The following DLGAP2 variants were observed in gnomAD, a reference collection of about 807,000 sequenced individuals.
The protein encoded by DLGAP2 is DLG associated protein 2, also known as disks large-associated protein 2.
A neutral mutation model predicts 100.3 loss-of-function variants in DLGAP2; 26 were observed. The observed-to-expected ratio is 0.26, with a 90% CI of 0.19 to 0.36. The LOEUF (loss-of-function observed/expected upper bound fraction) is 0.36, where lower values mean the gene tolerates loss of function less well. DLGAP2 is among the 10% of genes least tolerant of loss of function. The pLI, the probability that DLGAP2 is intolerant of heterozygous loss-of-function variation, is 1.00. For synonymous variants in DLGAP2, 886 were observed against 630.1 expected (o/e 1.41, Z -6.08); for missense variants, 1,858 against 1,453.2 (o/e 1.28, Z -4.53).
chr8:1,201,781 C>T lies in DLGAP2; in HGVS notation c.74-57070C>T, dbSNP rs373633250. Among the ~76,000 whole-genome samples the T allele has an allele frequency of 2.2e-4, 33 of 152,312 alleles. No homozygotes were observed. The East Asian group carries it at 4.3e-3, about 20-fold the overall frequency. Reference sequence around the variant, plus strand: ...CCCTCCCTCATCACCAGGCAGCATCCGCAGACACACAGCGGTGCCTCTGTG... The same window carrying T: ...CCCTCCCTCATCACCAGGCAGCATCTGCAGACACACAGCGGTGCCTCTGTG... On this transcript the variant is annotated intron_variant, in intron 2 of 14. Coordinates refer to ENST00000637795, the MANE Select transcript of DLGAP2 (RefSeq NM_001346810.2).
chr8:1,292,288 T>C (rs1800075721), intron 3 of DLGAP2, among the ~76,000 whole-genome samples: 1 of 152,154 alleles, frequency 6.6e-6, no homozygotes, highest in Non-Finnish European at 1.5e-5. Context: ...GGCCAAGGAA[T>C]GTGGAAGGAC....
intron 2 of DLGAP2, among the ~76,000 whole-genome samples, chr8:1,155,372 C>T (rs1260298255): frequency 6.6e-6 from 1 of 152,200 alleles, no homozygotes; most frequent in Non-Finnish European, 1.5e-5. Context: ...GGGGTCTCCC[C>T]GGATGGTCTC....
At chr8:1,080,359 C>T (rs1803764562) in intron 2 of DLGAP2, among the ~76,000 whole-genome samples, 2 of 152,208 alleles carry the variant, frequency 1.3e-5, no homozygotes, top group South Asian at 2.1e-4. Context: ...CCTGCAGCTG[C>T]CGTCTCTTTA....
In DLGAP2 at chr8:1,564,501, A is replaced by AG. The variant is rs369360741; in HGVS notation, c.1231-1176dup. ...TCTCGAACAGTCAGATACACAGCACAGGGGGGTTATATGTATGGGCTCTCA... is the reference window on the plus strand; with the variant it reads ...TCTCGAACAGTCAGATACACAGCACAGGGGGGGTTATATGTATGGGCTCTCA... On this transcript the variant is annotated intron_variant, in intron 5 of 14. Coordinates refer to ENST00000637795, the MANE Select transcript of DLGAP2 (RefSeq NM_001346810.2). 2.0e-3 allele frequency among the ~76,000 whole-genome samples: 310 copies of AG among 152,316 alleles called. 1 individual carries two copies. Among genetic ancestry groups the AG allele is most frequent in the African/African-American group, 7.0e-3 (293 of 41,570 alleles).
chr8:1,677,902 G>A (rs909414656), intron 11 of DLGAP2, among the ~76,000 whole-genome samples: 20 of 152,208 alleles, frequency 1.3e-4, no homozygotes, highest in African/African-American at 4.3e-4. Flanking sequence ...ATTTCTGAAA[G>A]GGAGGTAGCC....
At chr8:1,329,873 C>T (rs982863719) in intron 3 of DLGAP2, among the ~76,000 whole-genome samples, 2 of 152,238 alleles carry the variant, frequency 1.3e-5, no homozygotes, top group African/African-American at 4.8e-5. Context: ...ACCTTGTCTT[C>T]TAGCTCTGCT....
At chr8:1,529,037 G>A (rs898840938) in intron 4 of DLGAP2, among the ~76,000 whole-genome samples, 1 of 151,830 alleles carries the variant, frequency 6.6e-6, no homozygotes. Flanking sequence ...TTCTGTATTA[G>A]TCTGTTGTCC....
chr8:1,017,094 ACGG>A (rs1167798716), intron 2 of DLGAP2, among the ~76,000 whole-genome samples: 2 of 5,740 alleles, frequency 3.5e-4, no homozygotes, highest in Non-Finnish European at 8.5e-4. Context: ...ACCAGGACAG[ACGG>A]CGCCTCCACT....
intron 2 of DLGAP2, among the ~76,000 whole-genome samples, chr8:1,227,885 A>C (rs1263359859): frequency 2.6e-5 from 4 of 152,230 alleles, no homozygotes; most frequent in African/African-American, 9.6e-5. Context: ...TTATTGCTAA[A>C]TTAGTACGTC....
intron 3 of DLGAP2, among the ~76,000 whole-genome samples, chr8:1,367,744 G>A (rs908382608): frequency 2.6e-5 from 4 of 152,194 alleles, no homozygotes; most frequent in Admixed American, 6.5e-5. Flanking sequence ...ATTGCAGCAC[G>A]TCCTTCACTG....
At chr8:1,494,979 C>T (rs949423761) in intron 3 of DLGAP2, among the ~76,000 whole-genome samples, 6 of 152,186 alleles carry the variant, frequency 3.9e-5, no homozygotes, top group African/African-American at 1.2e-4. Flanking sequence ...AGTGAGGTCC[C>T]GAGATATGCC....
intron 1 of DLGAP2, among the ~76,000 whole-genome samples, chr8:745,768 A>G (rs755390511): frequency 6.6e-6 from 1 of 152,228 alleles, no homozygotes; most frequent in Admixed American, 6.5e-5. Context: ...ACCTAATTCT[A>G]TAAGAAGGTG....
chr8:1,518,463 G>C (rs1800471252), intron 4 of DLGAP2, among the ~76,000 whole-genome samples: 1 of 152,154 alleles, frequency 6.6e-6, no homozygotes, highest in African/African-American at 2.4e-5. Context: ...CATTTACAAG[G>C]CACATAGAAC....
At chr8:1,429,286 C>T (rs1419878938) in intron 3 of DLGAP2, among the ~76,000 whole-genome samples, 1 of 152,090 alleles carries the variant, frequency 6.6e-6, no homozygotes, top group Non-Finnish European at 1.5e-5. Context: ...TTTCATTTCA[C>T]CATTTACACG....
At position 1,701,771 on chromosome 8, in the gene DLGAP2, A is replaced by AT. The variant is rs1314534400; in HGVS notation, c.*366dup. The stretch of plus-strand genomic sequence containing the variant: ...TATTTCTATTTTTATAAATTGTGTG[A>AT]TAATTAGAGGTAAGAATAACAAGTA... On this transcript the variant is annotated 3_prime_UTR_variant, in exon 15 of 15. Transcript: ENST00000637795. 1 of 274,406 alleles carries AT rather than the reference A, an allele frequency of 3.6e-6. No homozygotes were observed. Among genetic ancestry groups the AT allele is most frequent in the East Asian group, 7.2e-5 (1 of 13,964 alleles). The allele number at this position is 274,406 out of a possible 1,614,324, so 17.0% of individuals were successfully genotyped here. A position where few individuals can be genotyped will look rare whatever the true frequency, so the allele number is the denominator to read the frequency against.
At chr8:1,202,552 T>G (rs1207040877) in intron 2 of DLGAP2, among the ~76,000 whole-genome samples, 1 of 152,184 alleles carries the variant, frequency 6.6e-6, no homozygotes, top group East Asian at 1.9e-4. Context: ...CATTTTCTAA[T>G]GCAGAGGAAT....
intron 1 of DLGAP2, among the ~76,000 whole-genome samples, chr8:869,344 C>T (rs1034901602): frequency 1.3e-5 from 2 of 152,124 alleles, no homozygotes; most frequent in South Asian, 2.1e-4. Context: ...ACAAGAGTCA[C>T]GCCCTCCCTG....
At chr8:1,549,719 G>A in intron 5 of DLGAP2, 36 bp downstream of exon 5, 1 of 1,500,964 alleles carries the variant, frequency 6.7e-7, no homozygotes, top group Non-Finnish European at 8.9e-7. Context: ...GGCCGTCTCG[G>A]CACAGCAGGT....
chr8:1,181,486 T>C (rs962415168), intron 2 of DLGAP2, among the ~76,000 whole-genome samples: 3 of 151,996 alleles, frequency 2.0e-5, no homozygotes, highest in African/African-American at 7.3e-5. Context: ...TAAGTGGAGC[T>C]GAATGAGGAG....
Sources: gnomAD v4.1 joint callset for allele counts (sites outside exome capture counted in the v4.1 genomes callset) on GRCh38, gnomAD v4.1.1 for gene constraint, MANE v1.5 for transcripts, NCBI Gene and HGNC (gene_info 2026-07-23, HGNC 2026-07-21) for gene names.